PAPPA: variants seen among roughly 807,000 people sequenced by gnomAD.
The protein encoded by PAPPA is pappalysin 1.
Under a neutral mutation model 164.0 loss-of-function variants are expected in PAPPA, and 60 were observed. That is an observed-to-expected ratio of 0.37 (90% CI 0.30 to 0.45). PAPPA has a LOEUF of 0.45. Among genes scored for constraint, PAPPA ranks in the 20% least tolerant of loss-of-function variants. The probability of loss-of-function intolerance (pLI) is 1.00; values close to 1 mark genes in which losing one functional copy is unlikely to be tolerated. For synonymous variants in PAPPA, 875 were observed against 814.1 expected, an observed-to-expected ratio of 1.07 and a Z score of -1.27; for missense variants, 1,782 against 2,087.3, an observed-to-expected ratio of 0.85 and a Z score of 2.85.
chr9:116,165,867 C>G (rs73654623), intron 1 of PAPPA, among the ~76,000 whole-genome samples: 1 of 152,210 alleles, frequency 6.6e-6, no homozygotes. Flanking sequence ...CCTTGTTCAT[C>G]TGTTCCCACT....
chr9:116,242,370 T>A (rs1844746850), intron 7 of PAPPA, among the ~76,000 whole-genome samples: 1 of 151,968 alleles, frequency 6.6e-6, no homozygotes, highest in Non-Finnish European at 1.5e-5. Flanking sequence ...AATGAAAGAA[T>A]AAATGAAGGG....
intron 1 of PAPPA, among the ~76,000 whole-genome samples, chr9:116,162,837 CT>C (rs1843683583): frequency 6.6e-6 from 1 of 152,198 alleles, no homozygotes; most frequent in South Asian, 2.1e-4. Flanking sequence ...CAGGAATTGC[CT>C]TTTCCTCCCT....
In PAPPA at chr9:116,353,889, T is replaced by C. The variant is rs546636612; in HGVS notation, c.4347+96T>C. The C allele has an allele frequency of 5.7e-5, 47 of 830,314 alleles. 1 individual carries two copies. In the African/African-American group the frequency reaches 7.2e-4, roughly 13 times the overall value. 51.4% of individuals were successfully genotyped at this position (830,314 alleles called of 1,614,324 possible). A position where few individuals can be genotyped will look rare whatever the true frequency, so the allele number is the denominator to read the frequency against. ...CTTCAGGAACCACTTTCTGCACTTT[T>C]GTAATCTCTGATCCTCATTTTCCTA... On this transcript the variant is annotated intron_variant, in intron 17 of 21. Coordinates refer to ENST00000328252, the MANE Select transcript of PAPPA (RefSeq NM_002581.5).
intron 13 of PAPPA, among the ~76,000 whole-genome samples, chr9:116,343,420 T>C (rs1846163846): frequency 6.6e-6 from 1 of 152,212 alleles, no homozygotes; most frequent in Admixed American, 6.5e-5. Flanking sequence ...ATGAGGGTGC[T>C]TGCCGAGGGA....
At chr9:116,233,172 A>G (rs1159181280) in intron 6 of PAPPA, among the ~76,000 whole-genome samples, 2 of 152,256 alleles carry the variant, frequency 1.3e-5, no homozygotes, top group African/African-American at 4.8e-5. Flanking sequence ...TCTATGGACT[A>G]GGCACACTGT....
At chr9:116,298,436 GT>G (rs1845537272) in intron 9 of PAPPA, among the ~76,000 whole-genome samples, 1 of 152,208 alleles carries the variant, frequency 6.6e-6, no homozygotes, top group South Asian at 2.1e-4. Context: ...TTCTAAATGT[GT>G]CACCACATGA....
chr9:116,340,981 C>T (rs1349501427), intron 13 of PAPPA, among the ~76,000 whole-genome samples: 4 of 151,892 alleles, frequency 2.6e-5, no homozygotes, highest in East Asian at 1.9e-4. Flanking sequence ...GCATTTCTCT[C>T]GCTCTTTCTC....
chr9:116,181,370 C>A (rs1843903136), intron 1 of PAPPA, among the ~76,000 whole-genome samples: 1 of 152,128 alleles, frequency 6.6e-6, no homozygotes, highest in African/African-American at 2.4e-5. Context: ...CTCTCTCTCA[C>A]TGGTTTCCAG....
At chr9:116,210,778 G>T (rs1587953769) in intron 3 of PAPPA, among the ~76,000 whole-genome samples, 1 of 152,262 alleles carries the variant, frequency 6.6e-6, no homozygotes, top group Non-Finnish European at 1.5e-5. Context: ...TACAGATTGT[G>T]CTTCTGTAGG....
chr9:116,390,607 C>A (rs1846877245), intron 21 of PAPPA, among the ~76,000 whole-genome samples: 1 of 152,060 alleles, frequency 6.6e-6, no homozygotes, highest in African/African-American at 2.4e-5. Flanking sequence ...TAGTAAGAGA[C>A]AACAAGCAGA....
At chr9:116,183,327 A>T (rs1198523518) in intron 1 of PAPPA, among the ~76,000 whole-genome samples, 2 of 152,202 alleles carry the variant, frequency 1.3e-5, no homozygotes, top group Non-Finnish European at 2.9e-5. Context: ...CTTACAAGGA[A>T]CCATTCTATC....
intron 21 of PAPPA, among the ~76,000 whole-genome samples, chr9:116,383,119 T>C (rs572118584): frequency 1.3e-5 from 2 of 152,284 alleles, no homozygotes; most frequent in South Asian, 4.2e-4. Context: ...CAAGTGTTTA[T>C]AGTAAACCAA....
Position 116,344,534 on chromosome 9 carries a change from C to G in PAPPA, c.3612-9C>G. On this transcript the variant is annotated splice_polypyrimidine_tract_variant and intron_variant, in intron 13 of 21. Coordinates refer to ENST00000328252, the MANE Select transcript of PAPPA (RefSeq NM_002581.5). ...GACTCCTTCTTCCCCTCGTTTCTTT[C>G]CTCCCCAGCTGCGTGCACTTCGCAT... 1 of 1,605,124 alleles carries G rather than the reference C, an allele frequency of 6.2e-7. No individual in the cohort carries two copies. Among genetic ancestry groups the G allele is most frequent in the Non-Finnish European group, 8.5e-7 (1 of 1,172,484 alleles).
intron 9 of PAPPA, among the ~76,000 whole-genome samples, chr9:116,299,062 A>C (rs1357465086): frequency 6.6e-6 from 1 of 152,146 alleles, no homozygotes; most frequent in Non-Finnish European, 1.5e-5. Flanking sequence ...GAGGGAGTAG[A>C]GAGGGAGAGA....
At position 116,271,930 on chromosome 9, in the gene PAPPA, A is replaced by C. The variant is rs1226390205; in HGVS notation, c.2953+514A>C. On this transcript the variant is annotated intron_variant, in intron 9 of 21. Transcript: ENST00000328252. This position sits in a 1 kb window ranked among gnomAD's most constrained non-coding sequence, Gnocchi z 4.2. ...GCTTTGCAACCTCCAGCCGTGATGC[A>C]GGAACCACCAAGGTCCCCTCTGCAG... Among the ~76,000 whole-genome samples the C allele has an allele frequency of 1.3e-5, 2 of 152,224 alleles. No homozygotes were observed. Among genetic ancestry groups the C allele is most frequent in the African/African-American group, 4.8e-5 (2 of 41,462 alleles).
rs563789293 is a variant in PAPPA at position 116,338,456 on chromosome 9, TG to T, written c.3611+3384del. ...GTTGGGGGTGGGGGTGCCCAAAGAC[TG>T]GAGCCAAGTATTTCTAGAGTCTGTG... is the stretch of plus-strand genomic sequence containing the variant. On this transcript the variant is annotated intron_variant, in intron 13 of 21. Coordinates refer to ENST00000328252, the MANE Select transcript of PAPPA (RefSeq NM_002581.5). Among the ~76,000 whole-genome samples, 59 of 152,316 alleles carry T rather than the reference TG, an allele frequency of 3.9e-4. 1 individual carries two copies. In the South Asian group the frequency reaches 9.1e-3, roughly 24 times the overall value.
intron 9 of PAPPA, among the ~76,000 whole-genome samples, chr9:116,273,917 G>C (rs1230013444): frequency 6.6e-6 from 1 of 152,132 alleles, no homozygotes; most frequent in Non-Finnish European, 1.5e-5. Flanking sequence ...TATATACCAA[G>C]CACATTTATA....
intron 20 of PAPPA, among the ~76,000 whole-genome samples, chr9:116,378,963 G>T (rs1015960418): frequency 4.6e-5 from 7 of 152,182 alleles, no homozygotes; most frequent in African/African-American, 1.7e-4. Context: ...CTTCAATTAG[G>T]AATGGCAAAA....
At chr9:116,378,974 TC>T (rs2118689994) in intron 20 of PAPPA, among the ~76,000 whole-genome samples, 1 of 152,286 alleles carries the variant, frequency 6.6e-6, no homozygotes, top group East Asian at 1.9e-4. Flanking sequence ...AATGGCAAAA[TC>T]AAAGCCAAGG....
Sources: allele counts gnomAD v4.1 joint callset (sites outside exome capture counted in the v4.1 genomes callset), GRCh38; gene constraint gnomAD v4.1.1; non-coding constraint Gnocchi (gnomAD v3.1); transcripts MANE v1.5; gene names NCBI Gene and HGNC (gene_info 2026-07-23, HGNC 2026-07-21).